Variants in KLF8 observed in about 807,000 individuals in gnomAD.
KLF8 encodes the protein Krueppel-like factor 8.
KLF8 carries 10 observed loss-of-function variants against 18.2 expected under a neutral mutation model. The observed-to-expected ratio is 0.55, with a 90% CI of 0.34 to 0.93. KLF8 has a LOEUF of 0.93. Ranked by LOEUF, KLF8 falls within the 40% of genes least tolerant of loss-of-function variation. The probability of loss-of-function intolerance (pLI) is 0.02; values close to 1 mark genes in which losing one functional copy is unlikely to be tolerated. For missense variants in KLF8, 264 were observed against 277.9 expected (o/e 0.95, Z 0.36); for synonymous variants, 109 against 97.3 (o/e 1.12, Z -0.71).
At chrX:55,929,280 T>A in the KLF8 span, among the ~76,000 whole-genome samples, 1 of 110,220 alleles carries the variant, frequency 9.1e-6, no homozygotes, top group Non-Finnish European at 1.9e-5. Context: ...GTTTGTCAGA[T>A]TGAGAGATGG....
At chrX:56,057,117 G>A in the KLF8 span, among the ~76,000 whole-genome samples, 3 of 111,699 alleles carry the variant, frequency 2.7e-5, no homozygotes, top group Admixed American at 9.5e-5. Flanking sequence ...GTCCTTTTTT[G>A]CAAGGTTCAT....
chrX:56,055,365 G>GT, the KLF8 span, among the ~76,000 whole-genome samples: 1 of 111,903 alleles, frequency 8.9e-6, no homozygotes, highest in African/African-American at 3.2e-5. Flanking sequence ...GAAATTCTGT[G>GT]TTGGAGTTTA....
intron 5 of KLF8, among the ~76,000 whole-genome samples, chrX:56,277,184 G>T (rs1027211041): frequency 1.6e-4 from 18 of 111,831 alleles, no homozygotes; most frequent in South Asian, 7.6e-4. Context: ...ATTTGGTTTG[G>T]TCATGTTTTC....
At chrX:55,993,500 C>T in the KLF8 span, among the ~76,000 whole-genome samples, 1 of 111,862 alleles carries the variant, frequency 8.9e-6, no homozygotes, top group Non-Finnish European at 1.9e-5. Context: ...TGGATGTGGA[C>T]TGCTAGTATT....
intron 5 of KLF8, among the ~76,000 whole-genome samples, chrX:56,273,450 C>T (rs2067082334): frequency 9.1e-6 from 1 of 109,652 alleles, no homozygotes; most frequent in Non-Finnish European, 1.9e-5. Context: ...TACCCATTAA[C>T]CATCCCCACT....
Position 56,236,487 on chromosome X carries a change from AATGGCTGTTGTATTTTTTCCCCTTTG to A in KLF8, c.7+3147_7+3172del, listed in dbSNP as rs1414382888. On this transcript the variant is annotated intron_variant, in intron 1 of 5. Coordinates refer to ENST00000468660, the MANE Select transcript of KLF8 (RefSeq NM_007250.5). Reference sequence around the variant, plus strand: ...TCATTTTCTCATTTAATTAGATGCCAATGGCTGTTGTATTTTTTCCCCTTTGTATCTGGTATCTGTTTCTTTATTAT... The same window carrying A: ...TCATTTTCTCATTTAATTAGATGCCATATCTGGTATCTGTTTCTTTATTAT... Among the ~76,000 whole-genome samples, 3 of 110,848 alleles carry A rather than the reference AATGGCTGTTGTATTTTTTCCCCTTTG, an allele frequency of 2.7e-5. No homozygotes were observed. The Admixed American group carries it at 2.9e-4, about 11-fold the overall frequency.
the KLF8 span, among the ~76,000 whole-genome samples, chrX:56,202,126 T>C: frequency 9.0e-6 from 1 of 111,260 alleles, no homozygotes; most frequent in Admixed American, 9.6e-5. Context: ...AGGCTCGTAC[T>C]GTCCAATAGT....
the KLF8 span, among the ~76,000 whole-genome samples, chrX:56,103,286 A>G: frequency 3.6e-5 from 4 of 111,182 alleles, no homozygotes; most frequent in South Asian, 1.6e-3. Flanking sequence ...CATTGAATCT[A>G]TAAATTACCT....
At chrX:56,021,196 A>G in the KLF8 span, among the ~76,000 whole-genome samples, 1 of 112,330 alleles carries the variant, frequency 8.9e-6, no homozygotes, top group Non-Finnish European at 1.9e-5. Context: ...GAATGAAACC[A>G]TATGATATCT....
At chrX:56,143,456 G>A in the KLF8 span, among the ~76,000 whole-genome samples, 1 of 112,206 alleles carries the variant, frequency 8.9e-6, no homozygotes, top group South Asian at 3.7e-4. Flanking sequence ...CACAAGGACA[G>A]GGATTTATTT....
At chrX:56,033,839 T>C in the KLF8 span, among the ~76,000 whole-genome samples, 1 of 112,564 alleles carries the variant, frequency 8.9e-6, no homozygotes, top group African/African-American at 3.2e-5. Flanking sequence ...ATCTTTTGTC[T>C]GTTTTAAAAT....
chrX:56,135,886 C>A, the KLF8 span, among the ~76,000 whole-genome samples: 1 of 111,179 alleles, frequency 9.0e-6, no homozygotes, highest in Admixed American at 9.6e-5. Context: ...GTTTATACCA[C>A]TAAATGCCCA....
At chrX:56,000,461 C>T in the KLF8 span, among the ~76,000 whole-genome samples, 1 of 52,432 alleles carries the variant, frequency 1.9e-5, no homozygotes, top group Admixed American at 3.4e-4. Context: ...TACATCTGTT[C>T]CTGTGCTTTT....
chrX:56,174,965 C>T, the KLF8 span, among the ~76,000 whole-genome samples: 2 of 111,383 alleles, frequency 1.8e-5, no homozygotes, highest in Admixed American at 1.9e-4. Context: ...TTTTTTATTG[C>T]GTCTATTTGG....
chrX:56,235,292 A>G (rs922117063), intron 1 of KLF8, among the ~76,000 whole-genome samples: 9 of 108,260 alleles, frequency 8.3e-5, no homozygotes, highest in Non-Finnish European at 1.5e-4. Flanking sequence ...ATTGACATAG[A>G]TGATCATCTA....
the KLF8 span, among the ~76,000 whole-genome samples, chrX:56,028,110 A>G: frequency 8.9e-6 from 1 of 112,146 alleles, no homozygotes; most frequent in Admixed American, 9.4e-5. Context: ...AGTTTGAGTT[A>G]AAACTCCAAC....
the KLF8 span, among the ~76,000 whole-genome samples, chrX:55,996,830 C>T: frequency 8.9e-6 from 1 of 112,076 alleles, no homozygotes; most frequent in African/African-American, 3.2e-5. Context: ...GCATGGTACT[C>T]ACATCTGTTG....
chrX:55,942,855 T>C, the KLF8 span, among the ~76,000 whole-genome samples: 1 of 111,954 alleles, frequency 8.9e-6, no homozygotes, highest in Non-Finnish European at 1.9e-5. Context: ...GGCTGGTGCA[T>C]AGTCATCAAG....
At chrX:56,118,485 C>T in the KLF8 span, among the ~76,000 whole-genome samples, 2 of 110,817 alleles carry the variant, frequency 1.8e-5, no homozygotes, top group African/African-American at 6.6e-5. Flanking sequence ...ATTTCTAAGG[C>T]CCTCACAGTC....
Sources: allele counts gnomAD v4.1 joint callset (sites outside exome capture counted in the v4.1 genomes callset), GRCh38; gene constraint gnomAD v4.1.1; transcripts MANE v1.5; gene names NCBI Gene and HGNC (gene_info 2026-07-23, HGNC 2026-07-21).